Variants in SLC24A2 observed in about 807,000 individuals in gnomAD.
The protein encoded by SLC24A2 is sodium/potassium/calcium exchanger 2.
Under a neutral mutation model 62.0 loss-of-function variants are expected in SLC24A2, and 36 were observed. The observed-to-expected ratio is 0.58, with a 90% CI of 0.44 to 0.77. SLC24A2 has a LOEUF of 0.77. SLC24A2 is among the 30% of genes least tolerant of loss of function. SLC24A2 has a pLI of 0.00. For synonymous variants in SLC24A2, 358 were observed against 294.0 expected (o/e 1.22, Z -2.23); for missense variants, 846 against 817.9 (o/e 1.03, Z -0.42).
rs1390433234 is a variant in SLC24A2, at chr9:19,573,529, C to CACACAGAG, written c.1229-61_1229-60insCTCTGTGT. On this transcript the variant is annotated intron_variant, in intron 6 of 10. Coordinates refer to ENST00000341998, the MANE Select transcript of SLC24A2 (RefSeq NM_020344.4). ...ACACACACACACACACACACACACACAGAGAGAGAGAGAGAGAGAGAGAGA... is the reference window on the plus strand; with the variant it reads ...ACACACACACACACACACACACACACACACAGAGAGAGAGAGAGAGAGAGAGAGAGAGA... The CACACAGAG allele has an allele frequency of 1.9e-4, 83 of 432,508 alleles. No homozygotes were observed. The East Asian group carries it at 2.9e-3, about 15-fold the overall frequency. The allele number at this position is 432,508 out of a possible 1,614,324, so 26.8% of individuals were successfully genotyped here. A position where few individuals can be genotyped will look rare whatever the true frequency, so the allele number is the denominator to read the frequency against.
At chr9:19,906,098 G>A in the SLC24A2 span, among the ~76,000 whole-genome samples, 1 of 152,136 alleles carries the variant, frequency 6.6e-6, no homozygotes, top group Non-Finnish European at 1.5e-5. Context: ...CTCAGCAAAT[G>A]TAAAAGAACT....
chr9:19,985,808 C>G, the SLC24A2 span, among the ~76,000 whole-genome samples: 1 of 151,976 alleles, frequency 6.6e-6, no homozygotes. Context: ...AACACAAGAG[C>G]TAAAACTATA....
intron 2 of SLC24A2, among the ~76,000 whole-genome samples, chr9:19,635,688 T>C (rs1818293567): frequency 1.3e-5 from 2 of 152,188 alleles, no homozygotes; most frequent in Non-Finnish European, 2.9e-5. Context: ...ATTTCAAACA[T>C]AGGAAAAGCT....
At chr9:19,757,347 T>C (rs1035700576) in intron 2 of SLC24A2, among the ~76,000 whole-genome samples, 2 of 152,188 alleles carry the variant, frequency 1.3e-5, no homozygotes, top group Non-Finnish European at 2.9e-5. Context: ...CACTTGTCAG[T>C]AGCTGAAAAA....
the SLC24A2 span, among the ~76,000 whole-genome samples, chr9:19,950,288 A>G: frequency 6.6e-6 from 1 of 152,238 alleles, no homozygotes; most frequent in South Asian, 2.1e-4. Context: ...ATAAAGCTAT[A>G]GAAGAGTTTG....
intron 9 of SLC24A2, among the ~76,000 whole-genome samples, chr9:19,522,275 G>A (rs1316986548): frequency 1.3e-5 from 2 of 152,124 alleles, no homozygotes; most frequent in Non-Finnish European, 2.9e-5. Flanking sequence ...TGGGATTACA[G>A]GTGTGAGCCA....
At chr9:20,053,286 T>C in the SLC24A2 span, among the ~76,000 whole-genome samples, 102 of 152,224 alleles carry the variant, frequency 6.7e-4, 1 homozygote, top group East Asian at 0.018. Context: ...CTGTGCTACC[T>C]CCTTGGAGGG....
At chr9:19,524,903 C>T (rs1279817670) in intron 9 of SLC24A2, among the ~76,000 whole-genome samples, 1 of 152,194 alleles carries the variant, frequency 6.6e-6, no homozygotes, top group East Asian at 1.9e-4. Context: ...ATCTGGGAAA[C>T]AACATATCCC....
intron 2 of SLC24A2, among the ~76,000 whole-genome samples, chr9:19,771,488 G>A (rs923618482): frequency 1.3e-5 from 2 of 152,130 alleles, no homozygotes; most frequent in East Asian, 1.9e-4. Flanking sequence ...GATTTGTAAT[G>A]GCCCTTCATA....
chr9:19,789,844 G>A (rs1823287020), upstream of SLC24A2, among the ~76,000 whole-genome samples: 1 of 152,140 alleles, frequency 6.6e-6, no homozygotes, highest in Non-Finnish European at 1.5e-5. Flanking sequence ...AGCTCTGAAA[G>A]CTTTTCGCAC....
At chr9:19,842,949 T>A in the SLC24A2 span, among the ~76,000 whole-genome samples, 1 of 152,186 alleles carries the variant, frequency 6.6e-6, no homozygotes, top group Non-Finnish European at 1.5e-5. Flanking sequence ...TTAATTATTA[T>A]GTTTTCAATG....
chr9:20,078,981 T>G, the SLC24A2 span, among the ~76,000 whole-genome samples: 2 of 152,212 alleles, frequency 1.3e-5, no homozygotes, highest in Admixed American at 1.3e-4. Flanking sequence ...AAAAGAAATG[T>G]TCGTATGCTA....
intron 5 of SLC24A2, among the ~76,000 whole-genome samples, chr9:19,595,172 A>G (rs577872225): frequency 1.8e-4 from 28 of 152,330 alleles, no homozygotes; most frequent in African/African-American, 6.5e-4. Context: ...ATGCTGCAGT[A>G]CACAGCAGCA....
the SLC24A2 span, among the ~76,000 whole-genome samples, chr9:20,036,796 G>T: frequency 6.6e-6 from 1 of 151,820 alleles, no homozygotes; most frequent in Non-Finnish European, 1.5e-5. Context: ...ATATCAAATG[G>T]TGTAGTATTT....
chr9:20,089,678 C>T, the SLC24A2 span, among the ~76,000 whole-genome samples: 3 of 151,278 alleles, frequency 2.0e-5, no homozygotes, highest in Non-Finnish European at 4.4e-5. Context: ...AGGCATCTGA[C>T]AGCCCCCCCG....
the SLC24A2 span, among the ~76,000 whole-genome samples, chr9:19,837,755 G>A: frequency 7.2e-4 from 110 of 152,106 alleles, no homozygotes; most frequent in East Asian, 0.019. Flanking sequence ...AAAATCACAA[G>A]CATTCTTATA....
chr9:19,748,865 A>G (rs1821907489), intron 2 of SLC24A2, among the ~76,000 whole-genome samples: 1 of 151,898 alleles, frequency 6.6e-6, no homozygotes, highest in Non-Finnish European at 1.5e-5. Context: ...TTTGTTTCAA[A>G]TGGAGACAGC....
the SLC24A2 span, among the ~76,000 whole-genome samples, chr9:20,212,906 C>T: frequency 6.6e-6 from 1 of 151,706 alleles, no homozygotes; most frequent in Non-Finnish European, 1.5e-5. Context: ...ATATCCTCAG[C>T]AATTCAATGC....
At chr9:19,934,447 C>G in the SLC24A2 span, among the ~76,000 whole-genome samples, 1 of 152,118 alleles carries the variant, frequency 6.6e-6, no homozygotes, top group African/African-American at 2.4e-5. The surrounding 1 kb of genome is among the most constrained non-coding windows in gnomAD (Gnocchi z 4.1). Context: ...CCCGGGCTCC[C>G]GCGCACCACA....
Sources: allele counts gnomAD v4.1 joint callset (sites outside exome capture counted in the v4.1 genomes callset), GRCh38; gene constraint gnomAD v4.1.1; non-coding constraint Gnocchi (gnomAD v3.1); transcripts MANE v1.5; gene names NCBI Gene and HGNC (gene_info 2026-07-23, HGNC 2026-07-21).